DMD: variants seen among roughly 807,000 people sequenced by gnomAD.
DMD encodes the protein dystrophin.
DMD carries 63 observed loss-of-function variants against 330.1 expected under a neutral mutation model. That is an observed-to-expected ratio of 0.19 (90% CI 0.16 to 0.24). The LOEUF (loss-of-function observed/expected upper bound fraction) is 0.24, where lower values mean the gene tolerates loss of function less well. Ranked by LOEUF, DMD falls within the 10% of genes least tolerant of loss-of-function variation. DMD has a pLI of 1.00. For missense variants in DMD, 3,344 were observed against 2,684.1 expected (o/e 1.25, Z -5.43); for synonymous variants, 1,223 against 959.8 (o/e 1.27, Z -5.07).
rs201957958 is a variant in DMD at position 33,149,111 on chromosome X, CTATTAT to C, written c.31+62165_31+62170del. ...ATTTCATTTATCATGCACTTTATTT[CTATTAT>C]TATTATTACATTGTATTATATAATA... On this transcript the variant is annotated intron_variant, in intron 1 of 78. Coordinates refer to ENST00000357033, the MANE Select transcript of DMD (RefSeq NM_004006.3). Among the ~76,000 whole-genome samples, 307 of 110,343 alleles carry C rather than the reference CTATTAT, an allele frequency of 2.8e-3. 1 individual carries two copies. The highest frequency in any genetic ancestry group is 9.6e-3 in the African/African-American group (292 of 30,392).
chrX:31,567,282 T>A (rs901526957), intron 55 of DMD, among the ~76,000 whole-genome samples: 1 of 111,472 alleles, frequency 9.0e-6, no homozygotes, highest in East Asian at 2.8e-4. Context: ...TGGGCATCCT[T>A]CCCTAATTAG....
upstream of DMD, among the ~76,000 whole-genome samples, chrX:33,214,847 CTT>C (rs1053530009): frequency 9.9e-5 from 11 of 111,495 alleles, no homozygotes; most frequent in African/African-American, 3.6e-4. Flanking sequence ...GAGACAGGGT[CTT>C]GTTATGTTGC....
chrX:32,405,496 T>A (rs1169987086), intron 30 of DMD, among the ~76,000 whole-genome samples: 1 of 111,718 alleles, frequency 9.0e-6, no homozygotes, highest in Non-Finnish European at 1.9e-5. Flanking sequence ...AGAAGAGTTT[T>A]CCCCATTTGC....
rs146774797 is a variant in DMD, at chrX:31,831,742, A to G, written c.7200+4976T>C. Among the ~76,000 whole-genome samples the G allele has an allele frequency of 3.0e-3, 326 of 110,366 alleles. 5 individuals carry two copies. In the East Asian group the frequency reaches 0.074, roughly 25 times the overall value. The stretch of plus-strand genomic sequence containing the variant: ...GCCTCCCGAGTAGCTGGGACTACAG[A>G]TGCCTGCCACCAAGCCCGGCTAATT... On this transcript the variant is annotated intron_variant, in intron 49 of 78. Transcript: ENST00000357033.
intron 50 of DMD, among the ~76,000 whole-genome samples, chrX:31,814,277 C>G (rs7888693): frequency 0.017 from 1,829 of 107,631 alleles, 47 homozygotes; most frequent in African/African-American, 0.059. Context: ...GTCAGGAGAT[C>G]GAGACCATCC....
intron 5 of DMD, among the ~76,000 whole-genome samples, chrX:32,821,412 G>A (rs1415140147): frequency 6.8e-5 from 7 of 102,883 alleles, no homozygotes; most frequent in Non-Finnish European, 1.2e-4. Context: ...GTGAAACCCC[G>A]TCTCTACTAA....
At chrX:33,152,272 T>C (rs1262867799) in intron 1 of DMD, among the ~76,000 whole-genome samples, 2 of 109,497 alleles carry the variant, frequency 1.8e-5, no homozygotes, top group African/African-American at 6.7e-5. Context: ...CAGGTTCAAG[T>C]GATTCTCCTG....
At chrX:32,223,255 G>A (rs954383426) in intron 43 of DMD, among the ~76,000 whole-genome samples, 14 of 111,729 alleles carry the variant, frequency 1.3e-4, no homozygotes, top group African/African-American at 4.5e-4. Context: ...ATCTTCACAA[G>A]GCAGAAGGTA....
chrX:33,321,618 A>G (rs2054016984), intron 1 of DMD, among the ~76,000 whole-genome samples: 1 of 110,988 alleles, frequency 9.0e-6, no homozygotes, highest in African/African-American at 3.3e-5. Context: ...CATTGCTTCA[A>G]CTTAAAGTCA....
At chrX:32,582,336 C>G (rs569369270) in intron 13 of DMD, among the ~76,000 whole-genome samples, 2 of 111,273 alleles carry the variant, frequency 1.8e-5, no homozygotes, top group South Asian at 7.5e-4. Flanking sequence ...GAAAAAAAAT[C>G]AACTGTATTT....
chrX:31,150,310 T>A (rs1299416848), intron 74 of DMD, among the ~76,000 whole-genome samples: 1 of 112,239 alleles, frequency 8.9e-6, no homozygotes, highest in African/African-American at 3.2e-5. Flanking sequence ...TAAATTTTAT[T>A]CCATTTAAAG....
chrX:32,860,723 T>C (rs2082014427), intron 2 of DMD, among the ~76,000 whole-genome samples: 1 of 111,008 alleles, frequency 9.0e-6, no homozygotes, highest in Non-Finnish European at 1.9e-5. Flanking sequence ...CATATTTATA[T>C]TACCAGCATC....
chrX:32,655,702 TTC>T (rs1330302818), intron 9 of DMD, among the ~76,000 whole-genome samples: 1 of 111,649 alleles, frequency 9.0e-6, no homozygotes, highest in East Asian at 2.8e-4. Flanking sequence ...CTTGTTGACA[TTC>T]TGTCTCACTG....
intron 1 of DMD, among the ~76,000 whole-genome samples, chrX:33,326,874 G>T (rs896286895): frequency 9.0e-6 from 1 of 110,532 alleles, no homozygotes; most frequent in South Asian, 3.9e-4. Context: ...ATGGAGGGGG[G>T]ATGGCAGAGC....
In DMD at chrX:32,829,260, G is replaced by A. The variant is rs747185991; in HGVS notation, c.265-5873C>T. 2.7e-5 allele frequency among the ~76,000 whole-genome samples: 3 copies of A among 111,278 alleles called. No individual in the cohort carries two copies. The South Asian group carries it at 1.1e-3, about 41-fold the overall frequency. ...GGGTTACGTTAAATTCATTTGTAAAGAATCCTACTACACTCTTCAACAGTA... is the reference window on the plus strand; with the variant it reads ...GGGTTACGTTAAATTCATTTGTAAAAAATCCTACTACACTCTTCAACAGTA... On this transcript the variant is annotated intron_variant, in intron 4 of 78. Transcript: ENST00000357033.
intron 33 of DMD, among the ~76,000 whole-genome samples, chrX:32,381,138 G>A (rs904892345): frequency 2.7e-5 from 3 of 111,121 alleles, no homozygotes; most frequent in Non-Finnish European, 5.7e-5. Flanking sequence ...TCTCTCAAAA[G>A]GTAAAAGTAT....
intron 30 of DMD, among the ~76,000 whole-genome samples, chrX:32,408,772 TTTTATC>T (rs1477830797): frequency 4.5e-5 from 5 of 111,900 alleles, no homozygotes; most frequent in African/African-American, 9.7e-5. Context: ...GCAATAACCT[TTTTATC>T]TTTAAGTGCA....
At chrX:31,135,851 T>C (rs187399351) in intron 76 of DMD, among the ~76,000 whole-genome samples, 1 of 112,494 alleles carries the variant, frequency 8.9e-6, no homozygotes, top group East Asian at 2.8e-4. Flanking sequence ...TCAACCATAA[T>C]GAACTTAATT....
At chrX:31,349,122 T>G (rs760764706) in intron 60 of DMD, among the ~76,000 whole-genome samples, 2 of 112,700 alleles carry the variant, frequency 1.8e-5, no homozygotes, top group East Asian at 5.5e-4. Context: ...TTATTGATAA[T>G]TATTAATTAA....
Sources: gnomAD v4.1 joint callset for allele counts (sites outside exome capture counted in the v4.1 genomes callset) on GRCh38, gnomAD v4.1.1 for gene constraint, MANE v1.5 for transcripts, NCBI Gene and HGNC (gene_info 2026-07-23, HGNC 2026-07-21) for gene names.